Variants in AACS observed in about 807,000 individuals in gnomAD.
AACS encodes acetoacetate-CoA ligase.
AACS carries 69 observed loss-of-function variants against 83.1 expected under a neutral mutation model. That is an observed-to-expected ratio of 0.83 (90% CI 0.68 to 1.01). The LOEUF (loss-of-function observed/expected upper bound fraction) is 1.01. AACS is among the 50% of genes least tolerant of loss of function. The probability of loss-of-function intolerance (pLI) is 0.00; values close to 1 mark genes in which losing one functional copy is unlikely to be tolerated. For missense variants in AACS, 866 were observed against 882.2 expected, an observed-to-expected ratio of 0.98 and a Z score of 0.23; for synonymous variants, 333 against 343.4, an observed-to-expected ratio of 0.97 and a Z score of 0.33.
At chr12:125,083,906 A>G (rs1956263190) in intron 3 of AACS, among the ~76,000 whole-genome samples, 1 of 152,030 alleles carries the variant, frequency 6.6e-6, no homozygotes, top group Non-Finnish European at 1.5e-5. Flanking sequence ...CACCTGCCTC[A>G]GCCTCCCAAA....
At chr12:125,076,705 A>G (rs1225849738) in intron 3 of AACS, 94 bp downstream of exon 3, 2 of 1,544,774 alleles carry the variant, frequency 1.3e-6, no homozygotes, top group Non-Finnish European at 1.8e-6. Flanking sequence ...TAGGATTTCT[A>G]AACCATATGT....
At chr12:125,105,276 C>T (rs1459431345) in intron 7 of AACS, 1 of 152,236 alleles carries the variant, frequency 6.6e-6, no homozygotes, top group Non-Finnish European at 1.5e-5. Context: ...CGTGCACAGT[C>T]AGCTCTCAGT....
intron 1 of AACS, 92 bp from the exon 2 acceptor site, chr12:125,073,784 G>T: frequency 1.9e-6 from 2 of 1,045,430 alleles, no homozygotes; most frequent in Non-Finnish European, 2.9e-6. Flanking sequence ...TGGCTCGCTT[G>T]GACATGCTCA....
intron 12 of AACS, among the ~76,000 whole-genome samples, chr12:125,125,479 C>T (rs563569673): frequency 4.6e-5 from 7 of 152,280 alleles, no homozygotes; most frequent in East Asian, 3.9e-4. Context: ...GAGGCTGTGT[C>T]GCCTTGTGTG....
intron 4 of AACS, among the ~76,000 whole-genome samples, chr12:125,090,714 C>T (rs1801056868): frequency 7.0e-6 from 1 of 142,584 alleles, no homozygotes; most frequent in Admixed American, 6.7e-5. Flanking sequence ...ATTCATCATT[C>T]CTCATCCATC....
Position 125,136,755 on chromosome 12 carries a change from C to T in AACS, c.1772C>T (p.Ser591Phe). 2 of 1,614,156 alleles carry T rather than the reference C, an allele frequency of 1.2e-6. No homozygotes were observed. Among genetic ancestry groups the T allele is most frequent in the African/African-American group, 1.3e-5 (1 of 75,050 alleles). The change falls in exon 17 of 18, where the codon TCC (serine) becomes TTC (phenylalanine). Residue 591 changes from serine (S) to phenylalanine (F), a missense_variant. By Grantham distance (155) the Ser-to-Phe change is radical. Transcript: ENST00000316519. ...ERVILFLKMA[S>F]GHAFQPDLVK... ...GTGATCCTCTTCCTGAAGATGGCCTCCGGGCACGCCTTCCAGCCTGACTTG... is the reference window on the plus strand; with the variant it reads ...GTGATCCTCTTCCTGAAGATGGCCTTCGGGCACGCCTTCCAGCCTGACTTG...
intron 8 of AACS, among the ~76,000 whole-genome samples, chr12:125,112,139 C>T (rs1414223205): frequency 6.6e-6 from 1 of 152,208 alleles, no homozygotes; most frequent in African/African-American, 2.4e-5. Flanking sequence ...TTCATGGAGA[C>T]AGTTCCTGAA....
At position 125,065,457 on chromosome 12, in the gene AACS, C is replaced by CCGT. The variant is rs1352807200; in HGVS notation, c.-125_-123dup. On this transcript the variant is annotated 5_prime_UTR_variant, in exon 1 of 18. Transcript: ENST00000316519. ...TTCAGTCCCTTGTTCCCCGCCGCCG[C>CCGT]CGTCGCTGACCCAGCCCGCCAGGCG... The CCGT allele has an allele frequency of 2.8e-6, 3 of 1,058,242 alleles. No homozygotes were observed. The highest frequency in any genetic ancestry group is 3.8e-6 in the Non-Finnish European group (3 of 796,222). 65.6% of individuals were successfully genotyped at this position (1,058,242 alleles called of 1,614,324 possible).
intron 1 of AACS, among the ~76,000 whole-genome samples, chr12:125,067,430 T>C (rs556338674): frequency 2.6e-5 from 4 of 152,358 alleles, no homozygotes; most frequent in Admixed American, 2.6e-4. Flanking sequence ...GGTGCCTGTC[T>C]AGCCCTGATG....
intron 4 of AACS, among the ~76,000 whole-genome samples, chr12:125,087,869 C>T (rs1469172507): frequency 2.6e-5 from 4 of 152,184 alleles, no homozygotes; most frequent in South Asian, 2.1e-4. Flanking sequence ...AGGAATCTAG[C>T]GATGGGCATG....
chr12:125,107,890 G>T (rs1294512856), intron 8 of AACS, among the ~76,000 whole-genome samples: 1 of 152,178 alleles, frequency 6.6e-6, no homozygotes, highest in South Asian at 2.1e-4. Flanking sequence ...CTGAACCCAG[G>T]GGGCGGAGGT....
Position 125,079,633 on chromosome 12 carries a change from C to T in AACS, c.358+3022C>T, listed in dbSNP as rs564818356. Among the ~76,000 whole-genome samples the T allele has an allele frequency of 2.0e-3, 306 of 152,262 alleles. 3 individuals carry two copies. The highest frequency in any genetic ancestry group is 7.0e-3 in the African/African-American group (290 of 41,538). Reference sequence around the variant, plus strand: ...CGAACTCCTGGGCTCAAGCAATTCACCTGCTTTGGCCTCCCAAAGTGCTGG... The same window carrying T: ...CGAACTCCTGGGCTCAAGCAATTCATCTGCTTTGGCCTCCCAAAGTGCTGG... On this transcript the variant is annotated intron_variant, in intron 3 of 17. Coordinates refer to ENST00000316519, the MANE Select transcript of AACS (RefSeq NM_023928.5).
chr12:125,142,524 G>A lies in AACS; in HGVS notation c.*295G>A. On this transcript the variant is annotated 3_prime_UTR_variant, in exon 18 of 18. Coordinates refer to ENST00000316519, the MANE Select transcript of AACS (RefSeq NM_023928.5). ...CAGTGCAGCGGGAACGGTGGGGCTGGCTGGTGCTGAAGACAGACACACTCC... is the reference window on the plus strand; with the variant it reads ...CAGTGCAGCGGGAACGGTGGGGCTGACTGGTGCTGAAGACAGACACACTCC... 1 of 323,146 alleles carries A rather than the reference G, an allele frequency of 3.1e-6. No homozygotes were observed. 20.0% of individuals were successfully genotyped at this position (323,146 alleles called of 1,614,324 possible).
intron 14 of AACS, 70 bp from the exon 15 acceptor site, chr12:125,133,933 G>A (rs1316757562): frequency 2.0e-6 from 3 of 1,530,858 alleles, no homozygotes; most frequent in Non-Finnish European, 2.7e-6. Context: ...CCTACACCCA[G>A]CGTCTGTCCA....
intron 12 of AACS, chr12:125,126,482 C>G (rs1365617719): frequency 2.0e-5 from 3 of 151,924 alleles, no homozygotes; most frequent in African/African-American, 7.3e-5. Flanking sequence ...GAGAGCACCC[C>G]ATTTTTACAC....
intron 8 of AACS, among the ~76,000 whole-genome samples, chr12:125,110,558 C>T (rs918110841): frequency 2.0e-5 from 3 of 152,162 alleles, no homozygotes; most frequent in Non-Finnish European, 2.9e-5. Flanking sequence ...CTCCTCTGGG[C>T]CAGCTCTTCA....
At chr12:125,080,811 C>T (rs1485365355) in intron 3 of AACS, among the ~76,000 whole-genome samples, 5 of 151,778 alleles carry the variant, frequency 3.3e-5, no homozygotes, top group Non-Finnish European at 7.4e-5. Context: ...CCTGCCTCAG[C>T]CTCCCGAGTA....
At chr12:125,101,070 C>A (rs774242481) in intron 5 of AACS, 9 of 152,220 alleles carry the variant, frequency 5.9e-5, no homozygotes, top group Non-Finnish European at 1.3e-4. Context: ...GCATCAGGCT[C>A]ATGTGCGAGG....
intron 3 of AACS, among the ~76,000 whole-genome samples, chr12:125,080,586 CACCCCCT>C (rs1956149475): frequency 6.6e-6 from 1 of 152,118 alleles, no homozygotes; most frequent in African/African-American, 2.4e-5. Flanking sequence ...GTCTGTTTCA[CACCCCCT>C]ACCCCTTTAC....
Sources: allele counts gnomAD v4.1 joint callset (sites outside exome capture counted in the v4.1 genomes callset), GRCh38; gene constraint gnomAD v4.1.1; transcripts MANE v1.5; gene names NCBI Gene and HGNC (gene_info 2026-07-23, HGNC 2026-07-21).